TET1: variants seen among roughly 807,000 people sequenced by gnomAD.
TET1 encodes tet methylcytosine dioxygenase 1, also known as methylcytosine dioxygenase TET1.
TET1 carries 13 observed loss-of-function variants against 148.7 expected under a neutral mutation model. The ratio of observed to expected loss-of-function variants is 0.09; its 90% confidence interval spans 0.06 to 0.14. The LOEUF is 0.14. Among genes scored for constraint, TET1 ranks in the 10% least tolerant of loss-of-function variants. The pLI is 1.00. For missense variants in TET1, 2,182 were observed against 2,553.8 expected (o/e 0.85, Z 3.14); for synonymous variants, 907 against 937.2 (o/e 0.97, Z 0.59).
intron 7 of TET1, 106 bp from the exon 8 acceptor site, chr10:68,672,789 C>A (rs531836561): frequency 2.4e-6 from 2 of 825,072 alleles, no homozygotes; most frequent in Non-Finnish European, 1.8e-6. Flanking sequence ...GTGTTATAAC[C>A]GGTTCTTTAG....
In TET1 at chr10:68,682,093, CTTTTTTTTTT is replaced by C. The variant is rs386371716; in HGVS notation, c.4914+620_4914+629del. ...TAATTGGACTTTTTATTGATCTACTCTTTTTTTTTTTTTTTTTTTTTTTTGAGACAGAGTC... is the reference window on the plus strand; with the variant it reads ...TAATTGGACTTTTTATTGATCTACTCTTTTTTTTTTTTTTGAGACAGAGTC... On this transcript the variant is annotated intron_variant, in intron 9 of 11. Coordinates refer to ENST00000373644, the MANE Select transcript of TET1 (RefSeq NM_030625.3). Among the ~76,000 whole-genome samples the C allele has an allele frequency of 8.9e-5, 6 of 67,072 alleles. 1 individual carries two copies. Among genetic ancestry groups the C allele is most frequent in the South Asian group, 1.4e-3 (2 of 1,442 alleles). The allele number at this position is 67,072 out of a possible 152,430, so 44.0% of individuals were successfully genotyped here.
chr10:68,633,769 C>G (rs1218316630), intron 3 of TET1, among the ~76,000 whole-genome samples: 1 of 151,930 alleles, frequency 6.6e-6, no homozygotes, highest in Non-Finnish European at 1.5e-5. Context: ...TTCACTGGCT[C>G]TTAGTCTCCC....
In TET1 at chr10:68,574,748, C is replaced by CA. The variant is rs201091770; in HGVS notation, c.1914+497dup. ...TAATCTTGAAACTTTGTTTTGGAGACATAGCAATAATACAGCTTTTGTCTC... is the reference window on the plus strand; with the variant it reads ...TAATCTTGAAACTTTGTTTTGGAGACAATAGCAATAATACAGCTTTTGTCTC... On this transcript the variant is annotated intron_variant, in intron 2 of 11. Coordinates refer to ENST00000373644, the MANE Select transcript of TET1 (RefSeq NM_030625.3). Among the ~76,000 whole-genome samples, 627 of 152,270 alleles carry CA rather than the reference C, an allele frequency of 4.1e-3. 3 individuals are homozygous for CA. The highest frequency in any genetic ancestry group is 4.8e-3 in the Non-Finnish European group (326 of 68,008).
intron 11 of TET1, among the ~76,000 whole-genome samples, 167 bp from the exon 12 acceptor site, chr10:68,690,641 T>C (rs188758531): frequency 1.3e-5 from 2 of 152,218 alleles, no homozygotes; most frequent in East Asian, 3.8e-4. Context: ...CTACATAAAA[T>C]TTTTAATTCG....
chr10:68,617,006 C>A (rs1235138346), intron 3 of TET1, among the ~76,000 whole-genome samples: 2 of 39,582 alleles, frequency 5.1e-5, no homozygotes, highest in African/African-American at 1.0e-4. Flanking sequence ...CGCGCCTGGC[C>A]TTTTTTTTTT....
chr10:68,583,534 T>C (rs2053825311), intron 2 of TET1, among the ~76,000 whole-genome samples: 1 of 152,158 alleles, frequency 6.6e-6, no homozygotes, highest in Admixed American at 6.6e-5. Context: ...AATTTTGCTT[T>C]TTACTGATTT....
intron 3 of TET1, among the ~76,000 whole-genome samples, chr10:68,622,081 A>G (rs1413243355): frequency 6.6e-6 from 1 of 152,192 alleles, no homozygotes; most frequent in Non-Finnish European, 1.5e-5. Flanking sequence ...GCTATTAACT[A>G]TGTTAAAGAT....
chr10:68,624,690 C>CTTTCTTTCTTTCTT (rs1447911875), intron 3 of TET1, among the ~76,000 whole-genome samples: 1 of 123,188 alleles, frequency 8.1e-6, no homozygotes, highest in African/African-American at 3.2e-5. Context: ...CTCTCTCTCT[C>CTTTCTTTCTTTCTT]TCTCTCTTTC....
chr10:68,621,716 CTT>C (rs1564972972), intron 3 of TET1, among the ~76,000 whole-genome samples: 2 of 152,098 alleles, frequency 1.3e-5, no homozygotes, highest in South Asian at 2.1e-4. Context: ...TGTAGTGAGA[CTT>C]TAATAAAATC....
Position 68,572,826 on chromosome 10 carries a change from C to T in TET1, c.488C>T (p.Thr163Ile), listed in dbSNP as rs2053685936. ...AATGATTCGGTTCCAATGCAAGACA[C>T]CCAAGTCCTTCCTGATATAGAGACT... ...SENDSVPMQD[T>I]QVLPDIETLI... Residue 163 changes from threonine to isoleucine, a missense_variant, in exon 2 of 12, where the codon ACC becomes ATC. Physicochemically the swap from Thr to Ile is moderately conservative, Grantham distance 89. This residue lies in a region of TET1 where 665 missense variants were observed against 672.4 expected (regional missense o/e 0.99). Transcript: ENST00000373644. 1.9e-6 allele frequency: 3 copies of T among 1,614,008 alleles called. No homozygotes were observed. The highest frequency in any genetic ancestry group is 2.5e-6 in the Non-Finnish European group (3 of 1,180,028).
Position 68,562,833 on chromosome 10 carries a change from C to T in TET1, c.-123+2091C>T, listed in dbSNP as rs2053568689. Among the ~76,000 whole-genome samples the T allele has an allele frequency of 1.3e-5, 2 of 152,088 alleles. 1 individual carries two copies. Among genetic ancestry groups the T allele is most frequent in the South Asian group, 4.1e-4 (2 of 4,824 alleles). The stretch of plus-strand genomic sequence containing the variant: ...GTATCTTCCCTGCACACTTGATTTC[C>T]CCTATCCCCTTGGTCTTTTAGTTTT... On this transcript the variant is annotated intron_variant, in intron 1 of 11. Coordinates refer to ENST00000373644, the MANE Select transcript of TET1 (RefSeq NM_030625.3).
chr10:68,694,367 T>A lies in TET1; in HGVS notation c.*2553T>A, dbSNP rs868171478. Reference sequence around the variant, plus strand: ...CCATTCTCTGCCCTGTGATTTTTTTTAAAAGCTTATTCAATGTTCTGCAGC... The same window carrying A: ...CCATTCTCTGCCCTGTGATTTTTTTAAAAAGCTTATTCAATGTTCTGCAGC... On this transcript the variant is annotated 3_prime_UTR_variant, in exon 12 of 12. Transcript: ENST00000373644. The A allele has an allele frequency of 2.3e-4, 53 of 232,626 alleles. No individual in the cohort carries two copies. The highest frequency in any genetic ancestry group is 9.9e-4 in the African/African-American group (45 of 45,456). The allele number at this position is 232,626 out of a possible 1,614,324, so 14.4% of individuals were successfully genotyped here.
intron 2 of TET1, among the ~76,000 whole-genome samples, chr10:68,589,607 G>A (rs1279990839): frequency 6.6e-6 from 1 of 150,748 alleles, no homozygotes; most frequent in Non-Finnish European, 1.5e-5. Flanking sequence ...CCCAGCCTTA[G>A]TGCTCTGGGA....
intron 3 of TET1, among the ~76,000 whole-genome samples, chr10:68,641,351 G>A (rs1362167769): frequency 6.6e-6 from 1 of 151,666 alleles, no homozygotes; most frequent in Admixed American, 6.6e-5. Context: ...TGCTCAGGCT[G>A]GAGTGCAGTG....
intron 2 of TET1, among the ~76,000 whole-genome samples, chr10:68,596,019 C>CATAT (rs1564959051): frequency 1.4e-4 from 15 of 108,266 alleles, no homozygotes; most frequent in African/African-American, 4.6e-4. Flanking sequence ...CACACACACA[C>CATAT]ACACACACAT....
intron 2 of TET1, among the ~76,000 whole-genome samples, chr10:68,575,936 C>T (rs1441119328): frequency 7.3e-5 from 11 of 150,314 alleles, no homozygotes; most frequent in Non-Finnish European, 1.0e-4. Flanking sequence ...AGGAGAATGG[C>T]GTGAACCCGG....
chr10:68,646,990 A>G lies in TET1; in HGVS notation c.4261A>G (p.Thr1421Ala), dbSNP rs144156611. The G allele has an allele frequency of 5.2e-3, 8,382 of 1,611,842 alleles. 143 individuals are homozygous for G. In the Admixed American group the frequency reaches 0.059, roughly 11 times the overall value. Residue 1421 changes from threonine (T) to alanine (A), a missense_variant, in exon 4 of 12, where the codon ACC becomes GCC. Coordinates refer to ENST00000373644, the MANE Select transcript of TET1 (RefSeq NM_030625.3). The stretch of plus-strand genomic sequence containing the variant: ...TATAACTAAAGATTCTGAACTGCCC[A>G]CCTGCAGCTGTCTTGGTGAGTACTT... ...VSITKDSELP[T>A]CSCLDRVIQK...
Position 68,573,534 on chromosome 10 carries a change from C to T in TET1, c.1196C>T (p.Pro399Leu), listed in dbSNP as rs1417939173. The change falls in exon 2 of 12, where the codon CCT becomes CTT. Residue 399 changes from proline (P) to leucine (L), a missense_variant. Physicochemically the swap from Pro to Leu is moderately conservative, Grantham distance 98 (BLOSUM62 -3). This residue lies in a region of TET1 where 665 missense variants were observed against 672.4 expected (regional missense o/e 0.99). Coordinates refer to ENST00000373644, the MANE Select transcript of TET1 (RefSeq NM_030625.3). The stretch of plus-strand genomic sequence containing the variant: ...GAGACCCCAGATCTACCAGAGATTC[C>T]TGGTGCTATTCCAGTCCAAGGAGAG... Reference protein sequence around the residue: ...LGETPDLPEIPGAIPVQGEVF... With the variant: ...LGETPDLPEILGAIPVQGEVF... The T allele has an allele frequency of 2.5e-6, 4 of 1,614,108 alleles. No homozygotes were observed. In the East Asian group the frequency reaches 6.7e-5, roughly 27 times the overall value.
chr10:68,562,639 T>C (rs1320487731), intron 1 of TET1, among the ~76,000 whole-genome samples: 1 of 146,242 alleles, frequency 6.8e-6, no homozygotes, highest in Non-Finnish European at 1.5e-5. Flanking sequence ...AGTCCAGGCT[T>C]ACAACTCTGG....
Sources: gnomAD v4.1 joint callset for allele counts (sites outside exome capture counted in the v4.1 genomes callset) on GRCh38, gnomAD v4.1.1 for gene constraint, gnomAD v4.1.1 regional missense constraint, MANE v1.5 for transcripts, NCBI Gene and HGNC (gene_info 2026-07-23, HGNC 2026-07-21) for gene names.